P2RY14: variants seen among roughly 807,000 people sequenced by gnomAD.
The protein encoded by P2RY14 is P2Y purinoceptor 14.
Under a neutral mutation model 0.9 loss-of-function variants are expected in P2RY14, and 2 were observed. The ratio of observed to expected loss-of-function variants is 2.16; its 90% CI spans 0.88 to 6.79. The LOEUF (loss-of-function observed/expected upper bound fraction) is 6.79, where lower values mean the gene tolerates loss of function less well. P2RY14 is among the 30% of genes most tolerant of loss of function. The probability of loss-of-function intolerance (pLI) is 0.05; values close to 1 mark genes in which losing one functional copy is unlikely to be tolerated. For synonymous variants in P2RY14, 158 were observed against 147.2 expected (o/e 1.07, Z -0.53); for missense variants, 378 against 400.1 (o/e 0.94, Z 0.47).
chr3:151,265,293 T>G (rs1170022096), intron 1 of P2RY14, among the ~76,000 whole-genome samples: 1 of 152,198 alleles, frequency 6.6e-6, no homozygotes, highest in African/African-American at 2.4e-5. Context: ...AGTAGATCTT[T>G]TGGCTTTTAA....
rs1363705815 is a variant in P2RY14, at chr3:151,214,069, C to T, written c.248G>A (p.Gly83Asp). 2 of 1,613,982 alleles carry T rather than the reference C, an allele frequency of 1.2e-6. No homozygotes were observed. The highest frequency in any genetic ancestry group is 1.3e-5 in the African/African-American group (1 of 74,890). The change falls in exon 3 of 3, where the codon GGC (glycine) becomes GAC (aspartate). Residue 83 changes from glycine to aspartate, a missense_variant. Coordinates refer to ENST00000309170, the MANE Select transcript of P2RY14 (RefSeq NM_014879.4). ...TFPFKILGDS[G>D]LGPWQLNVFV... ...CACGTTCAGCTGCCAGGGACCAAGG[C>T]CTGAGTCACCAAGGATCTTGAAAGG...
rs539562188 is a variant in P2RY14, at chr3:151,223,230, T to C, written c.-132-3588A>G. ...GATTGCAGAAAAAAGAGAACACTTA[T>C]GTACTCTTGTGGGATTGTAAATTAG... On this transcript the variant is annotated intron_variant, in intron 1 of 2. Transcript: ENST00000309170. Among the ~76,000 whole-genome samples the C allele has an allele frequency of 2.5e-4, 20 of 78,726 alleles. No individual in the cohort carries two copies. In the East Asian group the frequency reaches 4.6e-3, roughly 18 times the overall value. The allele number at this position is 78,726 out of a possible 152,430, so 51.6% of individuals were successfully genotyped here.
chr3:151,237,163 A>G (rs1301253892), intron 1 of P2RY14, among the ~76,000 whole-genome samples: 2 of 145,744 alleles, frequency 1.4e-5, no homozygotes, highest in African/African-American at 5.1e-5. Context: ...CTCAGCCTCC[A>G]TAGTAGCTGG....
At chr3:151,248,121 C>T (rs1470708359) in intron 1 of P2RY14, among the ~76,000 whole-genome samples, 1 of 151,716 alleles carries the variant, frequency 6.6e-6, no homozygotes, top group African/African-American at 2.4e-5. Context: ...TTGCCATCCA[C>T]AAGTTAAAAC....
In P2RY14 at chr3:151,246,967, A is replaced by G. The variant is rs149134398; in HGVS notation, c.-132-27325T>C. Among the ~76,000 whole-genome samples, 1,434 of 152,348 alleles carry G rather than the reference A, an allele frequency of 9.4e-3. 13 individuals carry two copies. Among genetic ancestry groups the G allele is most frequent in the Non-Finnish European group, 0.014 (985 of 68,036 alleles). ...ATCAAAAAGTGGGCAAAGGACACGAACAGACACTTCTCAAAAGAAGACATT... is the reference window on the plus strand; with the variant it reads ...ATCAAAAAGTGGGCAAAGGACACGAGCAGACACTTCTCAAAAGAAGACATT... On this transcript the variant is annotated intron_variant, in intron 1 of 2. Transcript: ENST00000309170.
At chr3:151,230,055 C>T (rs1395391532) in intron 1 of P2RY14, among the ~76,000 whole-genome samples, 2 of 151,986 alleles carry the variant, frequency 1.3e-5, no homozygotes, top group Non-Finnish European at 2.9e-5. Flanking sequence ...CTGCAAGCTT[C>T]GCCTGCTGGG....
At chr3:151,230,505 CT>C (rs913076596) in intron 1 of P2RY14, among the ~76,000 whole-genome samples, 7 of 151,598 alleles carry the variant, frequency 4.6e-5, no homozygotes, top group Admixed American at 4.6e-4. Flanking sequence ...ATACACTACA[CT>C]TTGATGCTCA....
At chr3:151,222,296 T>C (rs1729519402) in intron 1 of P2RY14, among the ~76,000 whole-genome samples, 1 of 77,416 alleles carries the variant, frequency 1.3e-5, no homozygotes, top group African/African-American at 5.7e-5. Flanking sequence ...CTGAAATGAA[T>C]TGAGACTTGG....
intron 1 of P2RY14, among the ~76,000 whole-genome samples, chr3:151,238,130 TTTTTTCTTTTTTCTTTTTC>T (rs1733305717): frequency 1.1e-5 from 1 of 91,274 alleles, no homozygotes; most frequent in Non-Finnish European, 2.2e-5. Flanking sequence ...ACAGTGCACA[TTTTTTCTTTTTTCTTTTTC>T]TTTTTCTTTT....
intron 1 of P2RY14, among the ~76,000 whole-genome samples, chr3:151,245,342 T>TAAA (rs1735174148): frequency 6.6e-6 from 1 of 151,804 alleles, no homozygotes; most frequent in East Asian, 1.9e-4. Context: ...ACCAATATCC[T>TAAA]TGATGAACAT....
At chr3:151,233,990 TAA>T in intron 1 of P2RY14, among the ~76,000 whole-genome samples, 1 of 152,360 alleles carries the variant, frequency 6.6e-6, no homozygotes, top group African/African-American at 2.4e-5. Context: ...TAGAGAAATT[TAA>T]AAAGTCTATC....
chr3:151,233,410 A>G (rs1732094133), intron 1 of P2RY14, among the ~76,000 whole-genome samples: 1 of 152,236 alleles, frequency 6.6e-6, no homozygotes, highest in Non-Finnish European at 1.5e-5. Context: ...AAAAGACTAC[A>G]TGTAGTATAA....
intron 1 of P2RY14, among the ~76,000 whole-genome samples, chr3:151,242,536 A>G (rs1053798753): frequency 2.0e-5 from 3 of 152,170 alleles, no homozygotes; most frequent in Non-Finnish European, 4.4e-5. Flanking sequence ...GGGTATTCCA[A>G]CAGACCTGCA....
At chr3:151,266,837 C>A (rs1438182245) in intron 1 of P2RY14, among the ~76,000 whole-genome samples, 1 of 152,194 alleles carries the variant, frequency 6.6e-6, no homozygotes, top group Non-Finnish European at 1.5e-5. Flanking sequence ...GGAAAACTTC[C>A]TTCTCCTGGG....
At chr3:151,229,259 A>G (rs563225073) in intron 1 of P2RY14, among the ~76,000 whole-genome samples, 7 of 150,036 alleles carry the variant, frequency 4.7e-5, no homozygotes, top group Non-Finnish European at 1.0e-4. Context: ...GGGTTCTTTG[A>G]TTTTAATAAA....
At position 151,233,295 on chromosome 3, in the gene P2RY14, A is replaced by T. The variant is rs537976282; in HGVS notation, c.-132-13653T>A. ...ATCTCTTATTCTCATCACATTCTGTAGCAATAGCTACCATTCATTTTGAGT... is the reference window on the plus strand; with the variant it reads ...ATCTCTTATTCTCATCACATTCTGTTGCAATAGCTACCATTCATTTTGAGT... On this transcript the variant is annotated intron_variant, in intron 1 of 2. Transcript: ENST00000309170. 6.6e-5 allele frequency among the ~76,000 whole-genome samples: 10 copies of T among 152,362 alleles called. No individual in the cohort carries two copies. In the South Asian group the frequency reaches 1.9e-3, roughly 28 times the overall value.
At chr3:151,276,716 T>C (rs899750209) in intron 1 of P2RY14, among the ~76,000 whole-genome samples, 7 of 152,294 alleles carry the variant, frequency 4.6e-5, no homozygotes, top group African/African-American at 4.8e-5. Flanking sequence ...TTCAGCACTT[T>C]AGAAGCATCA....
At chr3:151,278,092 C>T (rs999013502) in intron 1 of P2RY14, among the ~76,000 whole-genome samples, 195 bp downstream of exon 1, 2 of 152,124 alleles carry the variant, frequency 1.3e-5, no homozygotes, top group African/African-American at 4.8e-5. Flanking sequence ...AGTATTGGAT[C>T]CCCATATTAG....
At chr3:151,233,699 C>T (rs1423041737) in intron 1 of P2RY14, among the ~76,000 whole-genome samples, 2 of 152,230 alleles carry the variant, frequency 1.3e-5, no homozygotes, top group African/African-American at 2.4e-5. Context: ...TGCCATTGCA[C>T]TCCAACCTGG....
Sources: allele counts gnomAD v4.1 joint callset (sites outside exome capture counted in the v4.1 genomes callset), GRCh38; gene constraint gnomAD v4.1.1; transcripts MANE v1.5; gene names NCBI Gene and HGNC (gene_info 2026-07-23, HGNC 2026-07-21).